The following SMARCA2 variants were observed in gnomAD, a reference collection of about 807,000 sequenced individuals.
The protein encoded by SMARCA2 is SWI/SNF-related matrix-associated actin-dependent regulator of chromatin subfamily A member 2.
Under a neutral mutation model 199.8 loss-of-function variants are expected in SMARCA2, and 61 were observed. The observed-to-expected ratio is 0.31, with a 90% confidence interval of 0.25 to 0.38. The LOEUF is 0.38. Among genes scored for constraint, SMARCA2 ranks in the 10% least tolerant of loss-of-function variants. The pLI is 1.00. For synonymous variants in SMARCA2, 935 were observed against 732.0 expected, an observed-to-expected ratio of 1.28 and a Z score of -4.48; for missense variants, 1,344 against 2,012.2, an observed-to-expected ratio of 0.67 and a Z score of 6.35.
chr9:2,160,514 C>T (rs1825611126), intron 27 of SMARCA2: 1 of 650,822 alleles, frequency 1.5e-6, no homozygotes, highest in East Asian at 2.8e-5. Context: ...AAGCGTTGTA[C>T]ATAAGTGAAA....
intron 32 of SMARCA2, among the ~76,000 whole-genome samples, chr9:2,187,833 CT>C (rs1423403512): frequency 6.6e-6 from 1 of 152,072 alleles, no homozygotes; most frequent in Admixed American, 6.5e-5. Context: ...AATCCTAGCA[CT>C]TTGGGAAGCT....
intron 25 of SMARCA2, among the ~76,000 whole-genome samples, chr9:2,116,789 A>G (rs1051967921): frequency 1.3e-4 from 20 of 152,364 alleles, no homozygotes; most frequent in Middle Eastern, 6.8e-3. Context: ...TAGTGTAGCA[A>G]ACTACAGAAT....
chr9:2,032,911 C>T (rs778540787), intron 2 of SMARCA2, 41 bp from the exon 3 acceptor site: 2 of 1,579,982 alleles, frequency 1.3e-6, no homozygotes, highest in South Asian at 2.3e-5. Flanking sequence ...AAATATTTTA[C>T]CTTATAGAGG....
At chr9:2,047,658 G>T in intron 5 of SMARCA2, 174 bp downstream of exon 5, 1 of 750,584 alleles carries the variant, frequency 1.3e-6, no homozygotes, top group Non-Finnish European at 1.8e-6. Context: ...AGGCACCGGG[G>T]TTTTGAAGAT....
In SMARCA2 at chr9:2,083,338, G is replaced by A; in HGVS notation, c.2349-9G>A. On this transcript the variant is annotated splice_polypyrimidine_tract_variant and intron_variant, in intron 15 of 33. Transcript: ENST00000349721. Reference sequence around the variant, plus strand: ...CTTTTTTCTGTTGTTTTTTTTTTTTGTTCCATAGGACTCTATCTAACTGGA... The same window carrying A: ...CTTTTTTCTGTTGTTTTTTTTTTTTATTCCATAGGACTCTATCTAACTGGA... The A allele has an allele frequency of 8.8e-7, 1 of 1,134,014 alleles. No individual in the cohort carries two copies. The highest frequency in any genetic ancestry group is 1.9e-5 in the African/African-American group (1 of 52,892). The allele number at this position is 1,134,014 out of a possible 1,614,324, so 70.2% of individuals were successfully genotyped here. A position where few individuals can be genotyped will look rare whatever the true frequency, so the allele number is the denominator to read the frequency against.
intron 27 of SMARCA2, chr9:2,160,147 G>T: frequency 3.8e-6 from 2 of 519,748 alleles, no homozygotes; most frequent in Non-Finnish European, 6.8e-6. Context: ...TAGCTGCAGT[G>T]TGTTTAGCTG....
intron 2 of SMARCA2, among the ~76,000 whole-genome samples, chr9:2,031,108 C>A (rs560853985): frequency 6.6e-6 from 1 of 151,594 alleles, no homozygotes; most frequent in South Asian, 2.1e-4. Flanking sequence ...GGTTACTTTT[C>A]TTTTGCTATT....
chr9:2,171,067 C>G (rs1205969897), intron 29 of SMARCA2, among the ~76,000 whole-genome samples: 1 of 152,172 alleles, frequency 6.6e-6, no homozygotes, highest in Non-Finnish European at 1.5e-5. Flanking sequence ...CTTTCAACCT[C>G]TGTGTGCCTT....
rs573118021 is a variant in SMARCA2 at position 2,186,204 on chromosome 9, G to T, written c.4570G>T (p.Asp1524Tyr). The T allele has an allele frequency of 2.5e-6, 4 of 1,614,038 alleles. No homozygotes were observed. ...AAGCAATGAAGAGGAGGAAGAGGAA[G>T]ATGAAGAAGAGTCAGAGTCCGAGGG... ...DESNEEEEEEDEEESESEAKS... is the reference protein window; with the variant it reads ...DESNEEEEEEYEEESESEAKS... The change falls in exon 32 of 34, where the codon GAT becomes TAT. Residue 1524 changes from aspartate to tyrosine, a missense_variant. Around this residue, in one of 18 missense-constraint regions of SMARCA2, gnomAD observed 155 missense variants for 121.1 expected, o/e 1.28. Coordinates refer to ENST00000349721, the MANE Select transcript of SMARCA2 (RefSeq NM_003070.5).
rs116922910 is a variant in SMARCA2 at position 2,063,790 on chromosome 9, G to A, written c.1692+2804G>A. On this transcript the variant is annotated intron_variant, in intron 9 of 33. Coordinates refer to ENST00000349721, the MANE Select transcript of SMARCA2 (RefSeq NM_003070.5). ...GGACAGAGGCCTCTGTCTTTCTTTG[G>A]GAGTTTATTGTGTTGACTTGTTGCT... 6.9e-3 allele frequency among the ~76,000 whole-genome samples: 1,040 copies of A among 151,408 alleles called. 4 individuals are homozygous for A. Among genetic ancestry groups the A allele is most frequent in the Non-Finnish European group, 0.012 (821 of 67,908 alleles).
At position 2,066,822 on chromosome 9, in the gene SMARCA2, A is replaced by T. The variant is rs1261805136; in HGVS notation, c.1693-3596A>T. 2.6e-5 allele frequency among the ~76,000 whole-genome samples: 4 copies of T among 152,226 alleles called. No homozygotes were observed. In the East Asian group the frequency reaches 7.7e-4, roughly 29 times the overall value. On this transcript the variant is annotated intron_variant, in intron 9 of 33. Coordinates refer to ENST00000349721, the MANE Select transcript of SMARCA2 (RefSeq NM_003070.5). ...AGACGCTGTAGCAGCTGCTGCATTCACACCAGGACATTTCTTTAGGTGCTT... is the reference window on the plus strand; with the variant it reads ...AGACGCTGTAGCAGCTGCTGCATTCTCACCAGGACATTTCTTTAGGTGCTT...
intron 25 of SMARCA2, among the ~76,000 whole-genome samples, chr9:2,118,189 A>G (rs1463896305): frequency 3.3e-5 from 5 of 152,206 alleles, no homozygotes; most frequent in Non-Finnish European, 4.4e-5. Context: ...AGACATTACC[A>G]GATATTTTGT....
chr9:2,130,918 T>C (rs1169537146), intron 27 of SMARCA2, among the ~76,000 whole-genome samples: 2 of 152,234 alleles, frequency 1.3e-5, no homozygotes, highest in Admixed American at 6.5e-5. Flanking sequence ...TCTAGCACCG[T>C]AAGGCAGTCA....
chr9:2,052,037 G>T (rs2130319429), intron 5 of SMARCA2, among the ~76,000 whole-genome samples: 1 of 152,340 alleles, frequency 6.6e-6, no homozygotes, highest in Admixed American at 6.5e-5. Flanking sequence ...TACAAGGAAT[G>T]TGGAAGAAAG....
At chr9:2,186,355 T>C in intron 32 of SMARCA2, 127 bp downstream of exon 32, 1 of 1,012,040 alleles carries the variant, frequency 9.9e-7, no homozygotes, top group Non-Finnish European at 1.4e-6. Flanking sequence ...TTCCACTTTG[T>C]CCTTGCTGGG....
At chr9:2,138,013 T>C (rs1043659514) in intron 27 of SMARCA2, among the ~76,000 whole-genome samples, 3 of 152,222 alleles carry the variant, frequency 2.0e-5, no homozygotes, top group African/African-American at 7.2e-5. Flanking sequence ...GCTTTAAGAA[T>C]TTGAGGCCTC....
chr9:2,111,041 G>T (rs1364741139), intron 24 of SMARCA2, among the ~76,000 whole-genome samples: 7 of 147,900 alleles, frequency 4.7e-5, no homozygotes, highest in African/African-American at 1.0e-4. Context: ...GTACTTTGAT[G>T]TTTTGTTTTT....
intron 3 of SMARCA2, 76 bp downstream of exon 3, chr9:2,033,157 T>C: frequency 1.3e-6 from 2 of 1,518,946 alleles, no homozygotes; most frequent in Admixed American, 1.9e-5. Context: ...ATTTTAATTA[T>C]GAATTCCAAA....
At chr9:2,162,179 GA>G (rs1252960909) in intron 28 of SMARCA2, among the ~76,000 whole-genome samples, 1 of 152,138 alleles carries the variant, frequency 6.6e-6, no homozygotes, top group Admixed American at 6.5e-5. Flanking sequence ...AAGGACCTCT[GA>G]AATACCATCT....
Sources: gnomAD v4.1 joint callset for allele counts (sites outside exome capture counted in the v4.1 genomes callset) on GRCh38, gnomAD v4.1.1 for gene constraint, gnomAD v4.1.1 regional missense constraint, MANE v1.5 for transcripts, NCBI Gene and HGNC (gene_info 2026-07-23, HGNC 2026-07-21) for gene names.